Variants in ZNF469 observed in about 807,000 individuals in gnomAD.
ZNF469 encodes the protein zinc finger protein 469.
In ZNF469, 1 loss-of-function variant was observed where a neutral mutation model predicts 1.0. The observed-to-expected ratio is 1.00, with a 90% CI of 0.35 to 4.73. The LOEUF is 4.73. ZNF469 is among the 30% of genes most tolerant of loss of function. The pLI, the probability that ZNF469 is intolerant of heterozygous loss-of-function variation, is 0.16. For missense variants in ZNF469, 6,100 were observed against 5,356.3 expected, an observed-to-expected ratio of 1.14 and a Z score of -4.33; for synonymous variants, 2,703 against 2,363.4, an observed-to-expected ratio of 1.14 and a Z score of -4.17.
At chr16:88,132,611 A>C in the ZNF469 span, among the ~76,000 whole-genome samples, 3 of 152,170 alleles carry the variant, frequency 2.0e-5, no homozygotes, top group Non-Finnish European at 4.4e-5. Context: ...AGAATTGTTC[A>C]AAGAATCCAT....
chr16:88,281,935 G>A, the ZNF469 span, among the ~76,000 whole-genome samples: 10 of 152,248 alleles, frequency 6.6e-5, no homozygotes, highest in African/African-American at 2.4e-4. Flanking sequence ...GCACGGGTCA[G>A]TGCATGGATT....
intron 1 of ZNF469, among the ~76,000 whole-genome samples, chr16:88,409,550 G>T (rs761403587): frequency 1.6e-4 from 25 of 152,168 alleles, no homozygotes; most frequent in Non-Finnish European, 3.5e-4. Flanking sequence ...CTCACCAGGG[G>T]CAGGGGGCCA....
the ZNF469 span, among the ~76,000 whole-genome samples, chr16:88,160,699 G>T: frequency 6.6e-6 from 1 of 152,234 alleles, no homozygotes; most frequent in African/African-American, 2.4e-5. Flanking sequence ...TAGGGTTGAG[G>T]CACTGCTGTA....
chr16:88,413,637 T>C (rs554241225), intron 1 of ZNF469, among the ~76,000 whole-genome samples: 151 of 152,300 alleles, frequency 9.9e-4, no homozygotes, highest in African/African-American at 3.3e-3. Context: ...ATAGCAAGGT[T>C]CAGTCAGTCC....
the ZNF469 span, among the ~76,000 whole-genome samples, chr16:88,214,065 C>T: frequency 1.3e-5 from 2 of 152,210 alleles, no homozygotes; most frequent in Non-Finnish European, 2.9e-5. Context: ...CTTGTCTTGG[C>T]TGCAGAAGTC....
the ZNF469 span, among the ~76,000 whole-genome samples, chr16:88,239,685 A>C: frequency 5.4e-5 from 1 of 18,450 alleles, no homozygotes; most frequent in African/African-American, 2.4e-4. Flanking sequence ...ATATATATAT[A>C]TATATATATA....
the ZNF469 span, among the ~76,000 whole-genome samples, chr16:88,324,580 G>A: frequency 1.3e-5 from 2 of 152,262 alleles, no homozygotes; most frequent in African/African-American, 2.4e-5. Context: ...TTAAGCGGCC[G>A]TGTACAGAGA....
At chr16:88,316,522 T>G in the ZNF469 span, among the ~76,000 whole-genome samples, 1 of 149,888 alleles carries the variant, frequency 6.7e-6, no homozygotes, top group East Asian at 2.0e-4. Flanking sequence ...GCTTGGCTGG[T>G]GAGCACTGAG....
chr16:88,439,197 A>G lies in ZNF469; in HGVS notation c.11727A>G (p.Thr3909=). The change falls in exon 3 of 3, where the codon ACA becomes ACG. Residue 3909 remains threonine, a synonymous_variant. Coordinates refer to ENST00000565624, the MANE Select transcript of ZNF469 (RefSeq NM_001367624.2). The part of the protein sequence containing the change: ...RPLLRPPKRG[T]AVHGAEPAEP... Reference sequence around the variant, plus strand: ...TGCTCAGGCCCCCCAAGAGGGGCACAGCTGTCCACGGTGCTGAACCTGCCG... The same window carrying G: ...TGCTCAGGCCCCCCAAGAGGGGCACGGCTGTCCACGGTGCTGAACCTGCCG... 6.5e-7 allele frequency: 1 copy of G among 1,550,160 alleles called. No homozygotes were observed. The highest frequency in any genetic ancestry group is 2.0e-5 in the Admixed American group (1 of 50,998).
the ZNF469 span, among the ~76,000 whole-genome samples, chr16:88,247,552 ATGAG>A: frequency 6.1e-5 from 6 of 98,188 alleles, no homozygotes; most frequent in Middle Eastern, 7.7e-3. Flanking sequence ...GAGTGAATGA[ATGAG>A]TGACTGAGTG....
At chr16:88,152,991 G>C in the ZNF469 span, among the ~76,000 whole-genome samples, 2 of 152,196 alleles carry the variant, frequency 1.3e-5, no homozygotes, top group South Asian at 2.1e-4. This position sits in a 1 kb window ranked among gnomAD's most constrained non-coding sequence, Gnocchi z 4.2. Flanking sequence ...CCAGCACCGT[G>C]GCTCCGGCTG....
intron 1 of ZNF469, among the ~76,000 whole-genome samples, chr16:88,409,864 GC>G (rs55679154): frequency 0.073 from 227 of 3,118 alleles, 8 homozygotes; most frequent in African/African-American, 0.13. Context: ...GGCCATCTTG[GC>G]CGGGGGGGGG....
At chr16:88,284,658 C>T in the ZNF469 span, among the ~76,000 whole-genome samples, 1 of 149,450 alleles carries the variant, frequency 6.7e-6, no homozygotes, top group African/African-American at 2.5e-5. Context: ...AACCAACACA[C>T]AATTCACCAC....
chr16:88,338,443 C>A, the ZNF469 span, among the ~76,000 whole-genome samples: 4 of 152,178 alleles, frequency 2.6e-5, no homozygotes, highest in African/African-American at 9.7e-5. Context: ...GGAGAGGTGG[C>A]CTCGGGTGAT....
the ZNF469 span, among the ~76,000 whole-genome samples, chr16:88,113,964 G>A: frequency 6.6e-6 from 1 of 152,208 alleles, no homozygotes; most frequent in East Asian, 1.9e-4. Flanking sequence ...GGGCAGGGCT[G>A]TGGGCCGTGC....
At chr16:88,220,870 G>T in the ZNF469 span, among the ~76,000 whole-genome samples, 21,386 of 151,984 alleles carry the variant, frequency 0.14, 1,566 homozygotes, top group East Asian at 0.3. Flanking sequence ...CCAATACATT[G>T]TTCAGGTTTG....
intron 1 of ZNF469, among the ~76,000 whole-genome samples, chr16:88,422,724 T>C (rs1905520804): frequency 7.0e-6 from 1 of 142,770 alleles, no homozygotes; most frequent in African/African-American, 2.7e-5. Context: ...GATGGATGGA[T>C]GGATAATGAT....
At chr16:88,132,542 C>T in the ZNF469 span, among the ~76,000 whole-genome samples, 1 of 152,266 alleles carries the variant, frequency 6.6e-6, no homozygotes, top group Non-Finnish European at 1.5e-5. Flanking sequence ...ACTCACACAA[C>T]CCGGGGTCTT....
chr16:88,279,195 A>G, the ZNF469 span, among the ~76,000 whole-genome samples: 1 of 139,498 alleles, frequency 7.2e-6, no homozygotes, highest in Non-Finnish European at 1.6e-5. Flanking sequence ...GTGCTGCGCC[A>G]CGCTGACACT....
Sources: gnomAD v4.1 joint callset for allele counts (sites outside exome capture counted in the v4.1 genomes callset) on GRCh38, gnomAD v4.1.1 for gene constraint, Gnocchi (gnomAD v3.1) non-coding constraint, MANE v1.5 for transcripts, NCBI Gene and HGNC (gene_info 2026-07-23, HGNC 2026-07-21) for gene names.